Variants in COL4A2 observed in about 807,000 individuals in gnomAD.
COL4A2 encodes collagen alpha-2(IV) chain.
Under a neutral mutation model 200.2 loss-of-function variants are expected in COL4A2, and 99 were observed. The observed-to-expected ratio is 0.49, with a 90% confidence interval of 0.42 to 0.58. The LOEUF (loss-of-function observed/expected upper bound fraction) is 0.58, where lower values mean the gene tolerates loss of function less well. Ranked by LOEUF, COL4A2 falls within the 20% of genes least tolerant of loss-of-function variation. The pLI is 0.00. For synonymous variants in COL4A2, 897 were observed against 900.6 expected (o/e 1.00, Z 0.07); for missense variants, 1,950 against 2,314.1 (o/e 0.84, Z 3.23).
At chr13:110,469,501 T>C (rs1028206940) in intron 28 of COL4A2, among the ~76,000 whole-genome samples, 177 bp downstream of exon 28, 3 of 152,198 alleles carry the variant, frequency 2.0e-5, no homozygotes, top group Non-Finnish European at 4.4e-5. Flanking sequence ...TAACTGATAT[T>C]GTACTGGGTT....
At chr13:110,493,340 T>C in intron 39 of COL4A2, 58 bp downstream of exon 39, 2 of 1,565,440 alleles carry the variant, frequency 1.3e-6, no homozygotes, top group Non-Finnish European at 1.8e-6. Context: ...GTGGGGACTC[T>C]GTGCTGAGTC....
intron 21 of COL4A2, 47 bp from the exon 22 acceptor site, chr13:110,458,724 C>T: frequency 1.2e-6 from 2 of 1,611,032 alleles, no homozygotes; most frequent in South Asian, 2.2e-5. Context: ...CCCCGCCACG[C>T]TAAGAGGAAT....
chr13:110,505,830 C>T (rs118114170), intron 45 of COL4A2, among the ~76,000 whole-genome samples: 4,537 of 152,208 alleles, frequency 0.03, 87 homozygotes, highest in Non-Finnish European at 0.043. Context: ...GGCTGGCCTG[C>T]GATACTCCTC....
intron 4 of COL4A2, among the ~76,000 whole-genome samples, chr13:110,381,794 C>G (rs1023676551): frequency 3.3e-5 from 5 of 152,128 alleles, no homozygotes; most frequent in African/African-American, 1.2e-4. Context: ...AGCCAAGCAC[C>G]CAACGCATCA....
rs1444820598 is a variant in COL4A2, at chr13:110,307,332, C to T, written c.-241C>T. The stretch of plus-strand genomic sequence containing the variant: ...ACACCAGGGCTCCGCGCTCCGCACT[C>T]AAGAGGCTCCCGCGTCCCAACCCCT... On this transcript the variant is annotated 5_prime_UTR_variant, in exon 1 of 48. Transcript: ENST00000360467. The surrounding 1 kb of genome is among the most constrained non-coding windows in gnomAD (Gnocchi z 5.0). The T allele has an allele frequency of 3.8e-5, 12 of 313,900 alleles. No homozygotes were observed. The highest frequency in any genetic ancestry group is 6.4e-5 in the Non-Finnish European group (11 of 172,616). The allele number at this position is 313,900 out of a possible 1,614,324, so 19.4% of individuals were successfully genotyped here. A position where few individuals can be genotyped will look rare whatever the true frequency, so the allele number is the denominator to read the frequency against.
At chr13:110,464,952 AC>A (rs1222670518) in intron 24 of COL4A2, among the ~76,000 whole-genome samples, 2 of 152,176 alleles carry the variant, frequency 1.3e-5, no homozygotes, top group Non-Finnish European at 2.9e-5. Flanking sequence ...TGAGGCGCAC[AC>A]GGCTCTTTCC....
Position 110,458,820 on chromosome 13 carries a change from T to A in COL4A2, c.1482T>A (p.Gly494=), listed in dbSNP as rs7327685. 1.9e-6 allele frequency: 3 copies of A among 1,613,612 alleles called. No homozygotes were observed. In the East Asian group the frequency reaches 6.7e-5, roughly 36 times the overall value. ...CAGAAGGCGACGAAGCTATCAAAGG[T>A]CTTCCGGGACTGCCAGGACCCAAGG... ...RCTEGDEAIK[G]LPGLPGPKGF... Residue 494 remains glycine, a synonymous_variant, in exon 22 of 48, where the codon GGT becomes GGA. Coordinates refer to ENST00000360467, the MANE Select transcript of COL4A2 (RefSeq NM_001846.4).
chr13:110,479,615 AG>A (rs1354815567), intron 30 of COL4A2, among the ~76,000 whole-genome samples: 1 of 152,186 alleles, frequency 6.6e-6, no homozygotes, highest in African/African-American at 2.4e-5. Flanking sequence ...CCCGAGGCAG[AG>A]GGGGCCTTTG....
At chr13:110,469,996 C>T (rs1882405829) in intron 28 of COL4A2, among the ~76,000 whole-genome samples, 1 of 146,028 alleles carries the variant, frequency 6.8e-6, no homozygotes, top group African/African-American at 2.5e-5. Flanking sequence ...CTCACTGCAA[C>T]CTCCGCCTTC....
At chr13:110,468,485 G>C (rs1309305751) in intron 27 of COL4A2, among the ~76,000 whole-genome samples, 3 of 152,174 alleles carry the variant, frequency 2.0e-5, no homozygotes, top group Admixed American at 6.5e-5. Flanking sequence ...AAGCTCCAGT[G>C]ATGCGAGTGT....
intron 36 of COL4A2, among the ~76,000 whole-genome samples, chr13:110,490,665 G>A (rs61970304): frequency 0.017 from 2,536 of 152,248 alleles, 27 homozygotes; most frequent in Middle Eastern, 0.024. Flanking sequence ...TGAGCCATCC[G>A]GCGCTGGGCT....
rs768106152 is a variant in COL4A2, at chr13:110,478,189, C to T, written c.2587+25C>T. 15 of 1,534,702 alleles carry T rather than the reference C, an allele frequency of 9.8e-6. No individual in the cohort carries two copies. In the South Asian group the frequency reaches 1.1e-4, roughly 11 times the overall value. On this transcript the variant is annotated intron_variant, in intron 30 of 47. Coordinates refer to ENST00000360467, the MANE Select transcript of COL4A2 (RefSeq NM_001846.4). ...GGTAAGACCCCAGCCCTCCCATAAA[C>T]GAGTGGGGTCCTCACTGGTCCTGCC... is the stretch of plus-strand genomic sequence containing the variant.
In COL4A2 at chr13:110,489,470, C is replaced by T. The variant is rs200914492; in HGVS notation, c.3233C>T (p.Ala1078Val). 1.2e-6 allele frequency: 2 copies of T among 1,614,042 alleles called. No individual in the cohort carries two copies. Among genetic ancestry groups the T allele is most frequent in the Non-Finnish European group, 1.7e-6 (2 of 1,180,036 alleles). The change falls in exon 35 of 48, where the codon GCA becomes GTA. Residue 1078 changes from alanine to valine, a missense_variant. Ala to Val is a moderately conservative substitution (Grantham distance 64). This residue lies in a region of COL4A2 where 1,385 missense variants were observed against 1,720.5 expected (regional missense o/e 0.80). Transcript: ENST00000360467. ...SRGDKGAPGR[A>V]GLYGEIGATG... ...GGTGACAAAGGTGCCCCAGGGAGAG[C>T]AGGCCTGTATGGCGAGATTGGCGCG...
chr13:110,370,487 C>T, intron 4 of COL4A2, among the ~76,000 whole-genome samples: 1 of 152,196 alleles, frequency 6.6e-6, no homozygotes, highest in South Asian at 2.1e-4. Flanking sequence ...GAACTCCTGA[C>T]CTCGTGGTCC....
intron 4 of COL4A2, among the ~76,000 whole-genome samples, chr13:110,411,523 C>G (rs1194411238): frequency 6.6e-6 from 1 of 152,184 alleles, no homozygotes; most frequent in East Asian, 1.9e-4. Context: ...TTCTACCCAT[C>G]ACTCTTTAGC....
intron 3 of COL4A2, among the ~76,000 whole-genome samples, chr13:110,336,678 CAG>C (rs1443359420): frequency 6.6e-6 from 1 of 152,158 alleles, no homozygotes; most frequent in Non-Finnish European, 1.5e-5. Flanking sequence ...ACATGGACCT[CAG>C]GGGGTGGCAT....
chr13:110,459,110 T>G, intron 22 of COL4A2, 176 bp downstream of exon 22: 2 of 550,384 alleles, frequency 3.6e-6, no homozygotes, highest in Non-Finnish European at 6.0e-6. Context: ...TTTCTACATG[T>G]CCACTGGTGA....
In COL4A2 at chr13:110,357,571, A is replaced by G. The variant is rs1877334077; in HGVS notation, c.180+19A>G. ...TGGACGTGTAAGTCACAGCATTGCAATAAATAATATTATCTTCCTCATACA... is the reference window on the plus strand; with the variant it reads ...TGGACGTGTAAGTCACAGCATTGCAGTAAATAATATTATCTTCCTCATACA... On this transcript the variant is annotated intron_variant, in intron 4 of 47. Coordinates refer to ENST00000360467, the MANE Select transcript of COL4A2 (RefSeq NM_001846.4). 6.4e-7 allele frequency: 1 copy of G among 1,562,096 alleles called. No individual in the cohort carries two copies. Among genetic ancestry groups the G allele is most frequent in the African/African-American group, 1.4e-5 (1 of 73,416 alleles).
intron 20 of COL4A2, among the ~76,000 whole-genome samples, chr13:110,454,104 C>G (rs941558270): frequency 6.6e-6 from 1 of 152,164 alleles, no homozygotes; most frequent in Non-Finnish European, 1.5e-5. Flanking sequence ...TTTGCTTCCC[C>G]CTGTTCTAGT....
Sources: gnomAD v4.1 joint callset for allele counts (sites outside exome capture counted in the v4.1 genomes callset) on GRCh38, gnomAD v4.1.1 for gene constraint, gnomAD v4.1.1 regional missense constraint, Gnocchi (gnomAD v3.1) non-coding constraint, MANE v1.5 for transcripts, NCBI Gene and HGNC (gene_info 2026-07-23, HGNC 2026-07-21) for gene names.